The following GRAPL variants were observed in gnomAD, a reference collection of about 807,000 sequenced individuals.
GRAPL encodes GRB2 related adaptor protein like.
In GRAPL at chr17:19,144,629, G is replaced by A. The variant is rs1288642085; in HGVS notation, c.299+6041G>A. 3.8e-5 allele frequency among the ~76,000 whole-genome samples: 5 copies of A among 133,228 alleles called. No individual in the cohort carries two copies. The Admixed American group carries it at 3.9e-4, about 10-fold the overall frequency. 87.4% of individuals were successfully genotyped at this position (133,228 alleles called of 152,430 possible). ...CCCACTGAAGTGAATGGCTCCAGCA[G>A]CCTCTCCTCTCACCAACTCAGGCCC... On this transcript the variant is annotated intron_variant, in intron 3 of 3. Transcript: ENST00000344415.
chr17:19,147,016 G>GGGGTGTGTGT (rs777392473), intron 3 of GRAPL, among the ~76,000 whole-genome samples: 1 of 98,538 alleles, frequency 1.0e-5, no homozygotes, highest in Admixed American at 1.1e-4. Flanking sequence ...GAGAGGTAGG[G>GGGGTGTGTGT]GTGTGTGTGT....
At chr17:19,144,197 G>A (rs2044684750) in intron 3 of GRAPL, 1 of 189,968 alleles carries the variant, frequency 5.3e-6, no homozygotes, top group Non-Finnish European at 9.6e-6. Flanking sequence ...ACAAGCCCTG[G>A]TTGGGGTGGT....
intron 3 of GRAPL, chr17:19,143,156 TTGTG>T (rs1475023574): frequency 2.9e-5 from 2 of 67,826 alleles, no homozygotes; most frequent in Non-Finnish European, 4.3e-5. Context: ...CCTGGCAGAT[TTGTG>T]TGTAAGAGCT....
In GRAPL at chr17:19,144,236, C is replaced by G. The variant is rs553306481; in HGVS notation, c.299+5648C>G. The G allele has an allele frequency of 8.1e-5, 22 of 271,362 alleles. 2 individuals are homozygous for G. The highest frequency in any genetic ancestry group is 1.2e-3 in the Middle Eastern group (1 of 818). The allele number at this position is 271,362 out of a possible 1,614,324, so 16.8% of individuals were successfully genotyped here. A position where few individuals can be genotyped will look rare whatever the true frequency, so the allele number is the denominator to read the frequency against. On this transcript the variant is annotated intron_variant, in intron 3 of 3. Transcript: ENST00000344415. Reference sequence around the variant, plus strand: ...GGGGGTGTCCTAGGGCTCCTGCCCCCACCCCAGCCTTGTTTTTCCTCTCTG... The same window carrying G: ...GGGGGTGTCCTAGGGCTCCTGCCCCGACCCCAGCCTTGTTTTTCCTCTCTG...
chr17:19,154,257 C>A, intron 3 of GRAPL, among the ~76,000 whole-genome samples: 1 of 5,894 alleles, frequency 1.7e-4, no homozygotes, highest in Non-Finnish European at 2.3e-4. Flanking sequence ...AACGAGACTC[C>A]ATCTCAAAAA....
At chr17:19,141,379 GC>G (rs1410254494) in intron 3 of GRAPL, 1 of 92,994 alleles carries the variant, frequency 1.1e-5, no homozygotes, top group Non-Finnish European at 2.0e-5. Context: ...AGGGGTCACA[GC>G]CCCCCACATT....
intron 3 of GRAPL, among the ~76,000 whole-genome samples, chr17:19,144,689 G>T (rs1211656912): frequency 1.9e-5 from 2 of 102,670 alleles, no homozygotes; most frequent in Non-Finnish European, 3.7e-5. Context: ...TCTGGCTCTG[G>T]GAGGCTCATG....
chr17:19,149,228 G>A (rs1191581715), intron 3 of GRAPL, among the ~76,000 whole-genome samples: 2 of 103,508 alleles, frequency 1.9e-5, no homozygotes, highest in Non-Finnish European at 1.7e-5. Context: ...TACTCAGGAG[G>A]CTGAGGCAGA....
chr17:19,148,841 G>C (rs2044712047), intron 3 of GRAPL, among the ~76,000 whole-genome samples: 1 of 117,468 alleles, frequency 8.5e-6, no homozygotes, highest in Admixed American at 9.6e-5. Context: ...CTGGGAGGCG[G>C]AGCTTGCAGT....
At chr17:19,147,019 GTGTGTGTGTGT>G (rs2044697875) in intron 3 of GRAPL, among the ~76,000 whole-genome samples, 1 of 94,842 alleles carries the variant, frequency 1.1e-5, no homozygotes, top group East Asian at 1.1e-3. Flanking sequence ...AGGTAGGGGT[GTGTGTGTGTGT>G]GTGTGTGTGT....
intron 3 of GRAPL, among the ~76,000 whole-genome samples, chr17:19,144,762 A>G (rs1452570091): frequency 3.9e-5 from 4 of 102,706 alleles, no homozygotes; most frequent in Non-Finnish European, 7.5e-5. Context: ...ACTCAGATTC[A>G]GTTCCTCCTG....
intron 2 of GRAPL, among the ~76,000 whole-genome samples, chr17:19,136,903 A>G (rs1370057077): frequency 6.7e-6 from 1 of 148,472 alleles, no homozygotes; most frequent in Non-Finnish European, 1.5e-5. Context: ...GTGTCCTCAC[A>G]TGGCAGAGAG....
At chr17:19,144,555 G>C (rs1315592093) in intron 3 of GRAPL, among the ~76,000 whole-genome samples, 22 of 143,110 alleles carry the variant, frequency 1.5e-4, no homozygotes, top group African/African-American at 5.6e-4. Flanking sequence ...AAGCATCCCA[G>C]GAATGCACAC....
intron 3 of GRAPL, among the ~76,000 whole-genome samples, chr17:19,149,654 G>A (rs1447896438): frequency 1.8e-5 from 2 of 108,470 alleles, no homozygotes; most frequent in Non-Finnish European, 3.1e-5. Context: ...CCAGCTACTC[G>A]GGAGGCTGAA....
At chr17:19,149,737 G>C (rs1178024628) in intron 3 of GRAPL, among the ~76,000 whole-genome samples, 1 of 103,538 alleles carries the variant, frequency 9.7e-6, no homozygotes, top group Non-Finnish European at 1.6e-5. Context: ...CTCTAGCCTG[G>C]GTGACAGGGT....
chr17:19,144,495 A>G (rs1745153196), intron 3 of GRAPL, among the ~76,000 whole-genome samples: 1 of 142,408 alleles, frequency 7.0e-6, no homozygotes, highest in Non-Finnish European at 1.5e-5. Flanking sequence ...AGACTCACAC[A>G]TAACAGTCAC....
At chr17:19,136,812 T>C (rs1424270319) in intron 2 of GRAPL, among the ~76,000 whole-genome samples, 1 of 87,856 alleles carries the variant, frequency 1.1e-5, no homozygotes, top group East Asian at 3.0e-4. Context: ...TTCTGGAGTC[T>C]GAAGTTCAAG....
At chr17:19,149,558 G>A (rs1406755916) in intron 3 of GRAPL, among the ~76,000 whole-genome samples, 1 of 100,058 alleles carries the variant, frequency 1.0e-5, no homozygotes, top group Non-Finnish European at 1.6e-5. Flanking sequence ...TCAGGAGTTC[G>A]AGACCAGCCT....
intron 3 of GRAPL, chr17:19,144,297 C>T: frequency 2.7e-6 from 1 of 363,754 alleles, no homozygotes; most frequent in South Asian, 2.2e-5. Context: ...GCTGCTGCTG[C>T]TGCTGCTGCT....
Sources: allele counts gnomAD v4.1 joint callset (sites outside exome capture counted in the v4.1 genomes callset), GRCh38; gene constraint gnomAD v4.1.1; transcripts MANE v1.5; gene names NCBI Gene and HGNC (gene_info 2026-07-23, HGNC 2026-07-21).